Variants in IGF1R observed in about 807,000 individuals in gnomAD.
The protein encoded by IGF1R is insulin-like growth factor 1 receptor.
Under a neutral mutation model 144.6 loss-of-function variants are expected in IGF1R, and 44 were observed. The ratio of observed to expected loss-of-function variants is 0.30; its 90% confidence interval spans 0.24 to 0.39. The LOEUF is 0.39. IGF1R is among the 10% of genes least tolerant of loss of function. The pLI is 1.00. For missense variants in IGF1R, 1,355 were observed against 1,833.7 expected, an observed-to-expected ratio of 0.74 and a Z score of 4.77; for synonymous variants, 795 against 722.8, an observed-to-expected ratio of 1.10 and a Z score of -1.60.
chr15:98,887,736 C>G (rs570900037), intron 2 of IGF1R, among the ~76,000 whole-genome samples: 10 of 152,196 alleles, frequency 6.6e-5, no homozygotes, highest in East Asian at 1.9e-4. Context: ...CCTCACAGAT[C>G]CATTATACGA....
intron 1 of IGF1R, among the ~76,000 whole-genome samples, chr15:98,671,075 C>A (rs935358969): frequency 6.6e-6 from 1 of 152,194 alleles, no homozygotes; most frequent in Non-Finnish European, 1.5e-5. Context: ...TGGTGTCTCA[C>A]GTTGATGCAA....
chr15:98,815,430 G>T (rs1017203571), intron 2 of IGF1R, among the ~76,000 whole-genome samples: 3 of 152,268 alleles, frequency 2.0e-5, no homozygotes, highest in Non-Finnish European at 4.4e-5. Flanking sequence ...GTGGGGAGAG[G>T]CCTGGCGCAT....
At chr15:98,698,428 G>A (rs995200713) in intron 1 of IGF1R, among the ~76,000 whole-genome samples, 3 of 152,302 alleles carry the variant, frequency 2.0e-5, no homozygotes, top group East Asian at 3.9e-4. Flanking sequence ...CTTGAAAAAC[G>A]GAAACTCTGT....
intron 1 of IGF1R, among the ~76,000 whole-genome samples, chr15:98,705,707 G>A (rs1682707794): frequency 1.3e-5 from 2 of 152,130 alleles, no homozygotes; most frequent in African/African-American, 4.8e-5. Context: ...TGCCCAGTGG[G>A]ACTTTTCTTC....
chr15:98,894,096 A>T (rs139209527), intron 3 of IGF1R, among the ~76,000 whole-genome samples: 1 of 151,320 alleles, frequency 6.6e-6, no homozygotes, highest in African/African-American at 2.4e-5. Context: ...TTTCTCTTTG[A>T]TAGACTCTGG....
intron 4 of IGF1R, chr15:98,897,587 T>G (rs922612175): frequency 2.0e-5 from 3 of 153,000 alleles, no homozygotes; most frequent in African/African-American, 7.2e-5. Flanking sequence ...GTTTTTTGGT[T>G]TTGTTTTGAG....
Position 98,798,970 on chromosome 15 carries a change from A to G in IGF1R, c.640+90863A>G, listed in dbSNP as rs568209391. On this transcript the variant is annotated intron_variant, in intron 2 of 20. Transcript: ENST00000650285. ...AAACTGAGGCACAGAGAGGTTAGCT[A>G]ACTTGTCCAAGATCACACAGTTAGG... 2.2e-4 allele frequency among the ~76,000 whole-genome samples: 33 copies of G among 152,266 alleles called. No homozygotes were observed. The South Asian group carries it at 6.8e-3, about 32-fold the overall frequency.
intron 2 of IGF1R, among the ~76,000 whole-genome samples, chr15:98,778,795 C>T (rs968429892): frequency 1.3e-5 from 2 of 152,194 alleles, no homozygotes; most frequent in African/African-American, 4.8e-5. Flanking sequence ...GGGTGGATCA[C>T]ACATGGCAGA....
At chr15:98,736,053 A>G (rs1476442161) in intron 2 of IGF1R, among the ~76,000 whole-genome samples, 1 of 152,258 alleles carries the variant, frequency 6.6e-6, no homozygotes, top group Non-Finnish European at 1.5e-5. Flanking sequence ...GTAGTTATGC[A>G]TCCATTTCAT....
chr15:98,930,571 A>G (rs916389249), intron 15 of IGF1R, among the ~76,000 whole-genome samples: 13 of 152,216 alleles, frequency 8.5e-5, no homozygotes, highest in Non-Finnish European at 1.5e-4. Flanking sequence ...CCAGCGCAGT[A>G]ATCAATTTAT....
chr15:98,682,391 C>T (rs951454408), intron 1 of IGF1R, among the ~76,000 whole-genome samples: 2 of 152,044 alleles, frequency 1.3e-5, no homozygotes, highest in Non-Finnish European at 2.9e-5. Context: ...ATCTGTGCTC[C>T]GAGATGTTTT....
chr15:98,726,712 ATTTTTTTTTT>A lies in IGF1R; in HGVS notation c.640+18620_640+18629del, dbSNP rs756622481. Among the ~76,000 whole-genome samples, 19 of 93,090 alleles carry A rather than the reference ATTTTTTTTTT, an allele frequency of 2.0e-4. 1 individual carries two copies. The highest frequency in any genetic ancestry group is 6.9e-4 in the South Asian group (2 of 2,892). 61.1% of individuals were successfully genotyped at this position (93,090 alleles called of 152,430 possible). A position where few individuals can be genotyped will look rare whatever the true frequency, so the allele number is the denominator to read the frequency against. On this transcript the variant is annotated intron_variant, in intron 2 of 20. Coordinates refer to ENST00000650285, the MANE Select transcript of IGF1R (RefSeq NM_000875.5). ...GGCAGAATTCATTTTTACATTGATG[ATTTTTTTTTT>A]TTTTTTTTTTTTTTGAGATAGAGTC...
intron 2 of IGF1R, among the ~76,000 whole-genome samples, chr15:98,888,561 G>A (rs1295414197): frequency 6.6e-6 from 1 of 151,982 alleles, no homozygotes; most frequent in African/African-American, 2.4e-5. Context: ...CAACATTTTA[G>A]GAACTCATAA....
intron 2 of IGF1R, among the ~76,000 whole-genome samples, chr15:98,778,156 G>A (rs780386717): frequency 1.3e-5 from 2 of 152,116 alleles, no homozygotes; most frequent in Non-Finnish European, 2.9e-5. Flanking sequence ...ACAGAACGGC[G>A]ATGTATCCCC....
chr15:98,750,972 G>T (rs2054996233), intron 2 of IGF1R, among the ~76,000 whole-genome samples: 1 of 151,208 alleles, frequency 6.6e-6, no homozygotes, highest in Non-Finnish European at 1.5e-5. Flanking sequence ...TGTTTTTTTT[G>T]TAGAGACAGG....
chr15:98,773,181 A>G (rs1350663214), intron 2 of IGF1R, among the ~76,000 whole-genome samples: 1 of 152,076 alleles, frequency 6.6e-6, no homozygotes, highest in Non-Finnish European at 1.5e-5. Context: ...ATACAAGATG[A>G]GTAGCTGGTG....
intron 2 of IGF1R, among the ~76,000 whole-genome samples, chr15:98,861,585 C>T (rs1019623954): frequency 6.6e-6 from 1 of 152,202 alleles, no homozygotes; most frequent in Non-Finnish European, 1.5e-5. Context: ...TGGGAGACAG[C>T]ATGGTCTGAC....
Position 98,670,686 on chromosome 15 carries a change from C to CT in IGF1R, c.94+21015dup, listed in dbSNP as rs2052865654. On this transcript the variant is annotated intron_variant, in intron 1 of 20. Transcript: ENST00000650285. ...ACCTTCCTCTCAGGTCATCACTGTG[C>CT]TTTTGCACATTGCAGTTATATTTGA... Among the ~76,000 whole-genome samples the CT allele has an allele frequency of 2.0e-5, 3 of 152,330 alleles. No homozygotes were observed. In the South Asian group the frequency reaches 6.2e-4, roughly 32 times the overall value.
At chr15:98,924,138 G>A in intron 12 of IGF1R, 126 bp downstream of exon 12, 1 of 995,820 alleles carries the variant, frequency 1.0e-6, no homozygotes, top group South Asian at 1.4e-5. Context: ...TGCCAAGTTG[G>A]TGAGGATTTG....
Sources: allele counts gnomAD v4.1 joint callset (sites outside exome capture counted in the v4.1 genomes callset), GRCh38; gene constraint gnomAD v4.1.1; transcripts MANE v1.5; gene names NCBI Gene and HGNC (gene_info 2026-07-23, HGNC 2026-07-21).